HELQ: variants seen among roughly 807,000 people sequenced by gnomAD.
The protein encoded by HELQ is helicase, POLQ like.
In HELQ, 77 loss-of-function variants were observed where a neutral mutation model predicts 111.6. That is an observed-to-expected ratio of 0.69 (90% confidence interval 0.57 to 0.83). The LOEUF (loss-of-function observed/expected upper bound fraction) is 0.83, where lower values mean the gene tolerates loss of function less well. HELQ is among the 40% of genes least tolerant of loss of function. The pLI, the probability that HELQ is intolerant of heterozygous loss-of-function variation, is 0.00. For missense variants in HELQ, 1,200 were observed against 1,288.5 expected, an observed-to-expected ratio of 0.93 and a Z score of 1.05; for synonymous variants, 438 against 454.7, an observed-to-expected ratio of 0.96 and a Z score of 0.47.
intron 14 of HELQ, among the ~76,000 whole-genome samples, chr4:83,422,652 C>T (rs1421285047): frequency 6.6e-6 from 1 of 152,172 alleles, no homozygotes; most frequent in Non-Finnish European, 1.5e-5. Flanking sequence ...AAGGAATCAA[C>T]ATTGCTAATA....
rs1382587261 is a variant in HELQ, at chr4:83,455,462, C to T, written c.232G>A (p.Gly78Arg). The T allele has an allele frequency of 6.2e-7, 1 of 1,614,200 alleles. No individual in the cohort carries two copies. Among genetic ancestry groups the T allele is most frequent in the Non-Finnish European group, 8.5e-7 (1 of 1,180,040 alleles). ...AGGTCCGGGTTTGTATCACCACCTCCAAGGACGAGACATTCCGGGGAATCT... is the reference window on the plus strand; with the variant it reads ...AGGTCCGGGTTTGTATCACCACCTCTAAGGACGAGACATTCCGGGGAATCT... ...LSDSPECLVL[G>R]GGDTNPDLLR... Residue 78 changes from glycine to arginine, a missense_variant, in exon 1 of 18, where the codon GGA (glycine) becomes AGA (arginine). By Grantham distance (125) the Gly-to-Arg change is moderately radical. Transcript: ENST00000295488.
At chr4:83,428,411 A>C (rs540556403) in intron 12 of HELQ, among the ~76,000 whole-genome samples, 1 of 152,188 alleles carries the variant, frequency 6.6e-6, no homozygotes, top group Admixed American at 6.5e-5. Flanking sequence ...AAATACAAAA[A>C]TTAGTCAGGC....
In HELQ at chr4:83,453,333, T is replaced by C; in HGVS notation, c.910A>G (p.Lys304Glu). ...LLSEEINVAK[K>E]TVESSSNDLG... ...TCATTTGATGATGACTCAACTGTTTTCTTAGCAACATTAATTTCCTCAGAT... is the reference window on the plus strand; with the variant it reads ...TCATTTGATGATGACTCAACTGTTTCCTTAGCAACATTAATTTCCTCAGAT... Residue 304 changes from lysine to glutamate, a missense_variant, in exon 2 of 18, where the codon AAA becomes GAA. Transcript: ENST00000295488. 6.2e-7 allele frequency: 1 copy of C among 1,613,734 alleles called. No individual in the cohort carries two copies. Among genetic ancestry groups the C allele is most frequent in the Non-Finnish European group, 8.5e-7 (1 of 1,179,880 alleles).
intron 16 of HELQ, among the ~76,000 whole-genome samples, chr4:83,417,449 C>T (rs1278400139): frequency 6.6e-6 from 1 of 152,080 alleles, no homozygotes; most frequent in African/African-American, 2.4e-5. Context: ...TTGATCCACC[C>T]ACCTTGGCCT....
intron 14 of HELQ, 110 bp downstream of exon 14, chr4:83,425,884 G>T (rs576019280): frequency 3.4e-6 from 2 of 589,184 alleles, no homozygotes; most frequent in East Asian, 5.4e-5. Flanking sequence ...AGGAAAAAAT[G>T]TAAACCAAAA....
intron 4 of HELQ, 124 bp downstream of exon 4, chr4:83,446,711 T>C (rs1334366129): frequency 9.8e-6 from 6 of 609,948 alleles, no homozygotes; most frequent in Non-Finnish European, 8.3e-6. Context: ...CTATATTGTC[T>C]ATATTTTCAA....
intron 1 of HELQ, 43 bp from the exon 2 acceptor site, chr4:83,453,988 T>C (rs2110018941): frequency 1.6e-6 from 2 of 1,219,644 alleles, no homozygotes; most frequent in African/African-American, 3.0e-5. Context: ...TCCAGTTTCA[T>C]TAAGAATAAA....
At chr4:83,447,370 C>CA (rs1721109423) in intron 3 of HELQ, among the ~76,000 whole-genome samples, 1 of 151,224 alleles carries the variant, frequency 6.6e-6, no homozygotes, top group Admixed American at 6.6e-5. Context: ...TAAACAAAAC[C>CA]AAAAAACACA....
At chr4:83,455,151 C>G in intron 1 of HELQ, 2 of 610,308 alleles carry the variant, frequency 3.3e-6, no homozygotes, top group Non-Finnish European at 5.3e-6. Flanking sequence ...CTGCAGTTAT[C>G]TGGAAGCCTA....
At chr4:83,437,145 C>A (rs938048900) in intron 8 of HELQ, 48 bp from the exon 9 acceptor site, 6 of 1,564,174 alleles carry the variant, frequency 3.8e-6, no homozygotes, top group Admixed American at 1.9e-5. Context: ...CTTTTAGTGA[C>A]AAAATTTCTA....
At chr4:83,455,179 T>C (rs1672477538) in intron 1 of HELQ, 2 of 875,440 alleles carry the variant, frequency 2.3e-6, no homozygotes, top group South Asian at 2.0e-5. Flanking sequence ...GTCTCAGTCA[T>C]GCCACTTAAC....
chr4:83,447,294 C>T (rs1322587232), intron 3 of HELQ, among the ~76,000 whole-genome samples: 1 of 152,104 alleles, frequency 6.6e-6, no homozygotes, highest in African/African-American at 2.4e-5. Context: ...CTGCAGTAAG[C>T]CTTGGTCATG....
In HELQ at chr4:83,439,988, C is replaced by CT. The variant is rs1560552678; in HGVS notation, c.1682dup (p.Met562AspfsTer4). 1 of 1,611,562 alleles carries CT rather than the reference C, an allele frequency of 6.2e-7. No individual in the cohort carries two copies. The highest frequency in any genetic ancestry group is 1.1e-5 in the South Asian group (1 of 90,358). On this transcript the variant is annotated frameshift_variant, in exon 8 of 18. Coordinates refer to ENST00000295488, the MANE Select transcript of HELQ (RefSeq NM_133636.5). LOFTEE classifies it high-confidence loss of function. ...ATGCTACCAAGTGATCAGGATCCAT[C>CT]TTTTTTAGGGTATCAGAATACTGCA...
intron 2 of HELQ, among the ~76,000 whole-genome samples, chr4:83,452,970 T>C (rs967735237): frequency 2.8e-5 from 4 of 144,194 alleles, no homozygotes; most frequent in African/African-American, 1.2e-4. Context: ...CCCTTTCTTA[T>C]AGATGAGGAA....
chr4:83,437,372 G>A (rs1489076169), intron 8 of HELQ, among the ~76,000 whole-genome samples: 3 of 151,996 alleles, frequency 2.0e-5, no homozygotes, highest in African/African-American at 7.2e-5. Context: ...CAGCACTTTG[G>A]GAGGTAGAGG....
In HELQ at chr4:83,446,855, C is replaced by T; in HGVS notation, c.1372G>A (p.Gly458Ser). 3 of 1,612,552 alleles carry T rather than the reference C, an allele frequency of 1.9e-6. No individual in the cohort carries two copies. The highest frequency in any genetic ancestry group is 2.5e-6 in the Non-Finnish European group (3 of 1,178,776). Residue 458 changes from glycine (G) to serine (S), a missense_variant, in exon 4 of 18, where the codon GGT becomes AGT. This residue lies in a region of HELQ where 610 missense variants were observed against 607.1 expected (regional missense o/e 1.00). Coordinates refer to ENST00000295488, the MANE Select transcript of HELQ (RefSeq NM_133636.5). The stretch of plus-strand genomic sequence containing the variant: ...CCAACCTCGTCTACAACAACCAGAC[C>T]CAGACTGTCAATTCTTCCAGTTTCA... ...LIETGRIDSL[G>S]LVVVDELHMI...
At chr4:83,408,248 C>T (rs771273736) in intron 17 of HELQ, among the ~76,000 whole-genome samples, 4 of 152,058 alleles carry the variant, frequency 2.6e-5, no homozygotes, top group African/African-American at 7.2e-5. Context: ...TCCGCTCCCC[C>T]CCACCCGCCT....
intron 14 of HELQ, among the ~76,000 whole-genome samples, chr4:83,424,584 AG>A (rs750113675): frequency 2.4e-3 from 363 of 149,608 alleles, no homozygotes; most frequent in Non-Finnish European, 4.4e-3. Flanking sequence ...TTTGAGACAG[AG>A]TCTTGCTCTG....
chr4:83,455,271 C>T, intron 1 of HELQ, 126 bp downstream of exon 1: 1 of 1,519,512 alleles, frequency 6.6e-7, no homozygotes, highest in Non-Finnish European at 8.8e-7. Context: ...ATCAATACCT[C>T]CTAAGTGCCG....
Sources: gnomAD v4.1 joint callset for allele counts (sites outside exome capture counted in the v4.1 genomes callset) on GRCh38, gnomAD v4.1.1 for gene constraint, gnomAD v4.1.1 regional missense constraint, MANE v1.5 for transcripts, NCBI Gene and HGNC (gene_info 2026-07-23, HGNC 2026-07-21) for gene names.